Variants in KIF6 observed in about 807,000 individuals in gnomAD.
The protein encoded by KIF6 is kinesin-like protein KIF6.
A neutral mutation model predicts 112.7 loss-of-function variants in KIF6; 106 were observed. That is an observed-to-expected ratio of 0.94 (90% CI 0.80 to 1.11). The LOEUF (loss-of-function observed/expected upper bound fraction) is 1.11. Among genes scored for constraint, KIF6 ranks in the 50% least tolerant of loss-of-function variants. The pLI is 0.00. For synonymous variants in KIF6, 339 were observed against 339.9 expected (o/e 1.00, Z 0.03); for missense variants, 929 against 964.0 (o/e 0.96, Z 0.48).
In KIF6 at chr6:39,545,693, A is replaced by G; in HGVS notation, c.1182-5T>C. 6.3e-7 allele frequency: 1 copy of G among 1,579,762 alleles called. No homozygotes were observed. Among genetic ancestry groups the G allele is most frequent in the Non-Finnish European group, 8.7e-7 (1 of 1,149,046 alleles). ...GATGTTATTAGTTTTTCCAGCCTAAAAATACATAATGTATGAGAAGCAACT... is the reference window on the plus strand; with the variant it reads ...GATGTTATTAGTTTTTCCAGCCTAAGAATACATAATGTATGAGAAGCAACT... On this transcript the variant is annotated splice_region_variant and splice_polypyrimidine_tract_variant and intron_variant, in intron 10 of 22. Transcript: ENST00000287152.
intron 13 of KIF6, among the ~76,000 whole-genome samples, chr6:39,515,784 G>C (rs1158041964): frequency 1.3e-5 from 2 of 152,094 alleles, no homozygotes; most frequent in Non-Finnish European, 2.9e-5. Context: ...AGGAAGGCTA[G>C]GTCAAATTCC....
intron 13 of KIF6, among the ~76,000 whole-genome samples, chr6:39,435,545 G>C (rs1581851804): frequency 7.8e-6 from 1 of 128,804 alleles, no homozygotes; most frequent in Non-Finnish European, 1.6e-5. Context: ...TCCCCCATTT[G>C]AGCTCCAATA....
intron 3 of KIF6, among the ~76,000 whole-genome samples, chr6:39,676,464 G>A (rs546615635): frequency 2.6e-5 from 4 of 152,110 alleles, no homozygotes; most frequent in Non-Finnish European, 5.9e-5. Context: ...ACTTCAGGAA[G>A]AAGGAAACTG....
chr6:39,392,008 C>T (rs1256484335), intron 15 of KIF6, among the ~76,000 whole-genome samples: 2 of 152,088 alleles, frequency 1.3e-5, no homozygotes, highest in East Asian at 1.9e-4. Flanking sequence ...CTTCATGTCT[C>T]ATGTCCTATT....
intron 18 of KIF6, among the ~76,000 whole-genome samples, chr6:39,359,229 T>G (rs1282422833): frequency 1.3e-5 from 2 of 152,218 alleles, no homozygotes; most frequent in African/African-American, 4.8e-5. Flanking sequence ...AAAAGGGATC[T>G]GATTGTGCGT....
chr6:39,568,948 T>TTCTC (rs149756382), intron 10 of KIF6, among the ~76,000 whole-genome samples: 30 of 149,474 alleles, frequency 2.0e-4, no homozygotes, highest in African/African-American at 1.7e-4. Flanking sequence ...CTGTAGGCCT[T>TTCTC]TCTCTCTCTC....
At chr6:39,357,420 G>T in intron 18 of KIF6, 46 bp from the exon 19 acceptor site, 3 of 1,046,860 alleles carry the variant, frequency 2.9e-6, no homozygotes, top group Non-Finnish European at 4.4e-6. Flanking sequence ...TGAATCTAAT[G>T]ACATAGGAAG....
intron 3 of KIF6, among the ~76,000 whole-genome samples, chr6:39,700,123 C>T (rs1316078415): frequency 6.6e-6 from 1 of 152,242 alleles, no homozygotes; most frequent in African/African-American, 2.4e-5. Context: ...TACATCCCCT[C>T]AAGCATTTAT....
At chr6:39,467,068 T>C (rs1773836183) in intron 13 of KIF6, among the ~76,000 whole-genome samples, 1 of 152,162 alleles carries the variant, frequency 6.6e-6, no homozygotes, top group South Asian at 2.1e-4. Flanking sequence ...ACAGAGAGCT[T>C]TATAGCTTTC....
At chr6:39,590,296 T>A (rs1024522475) in intron 7 of KIF6, among the ~76,000 whole-genome samples, 3 of 151,976 alleles carry the variant, frequency 2.0e-5, no homozygotes, top group East Asian at 1.9e-4. Context: ...CAAATTCACT[T>A]TTTTTCCTGC....
At chr6:39,526,981 C>A (rs908052005) in intron 13 of KIF6, among the ~76,000 whole-genome samples, 4 of 152,216 alleles carry the variant, frequency 2.6e-5, no homozygotes, top group Non-Finnish European at 5.9e-5. Flanking sequence ...TATTCTATTT[C>A]TCTGGTTGCT....
At chr6:39,633,980 T>C (rs556252432) in intron 5 of KIF6, among the ~76,000 whole-genome samples, 32 of 152,162 alleles carry the variant, frequency 2.1e-4, no homozygotes, top group Non-Finnish European at 2.8e-4. Flanking sequence ...TCCAAGTCAA[T>C]AGCCTATTTC....
At chr6:39,628,206 T>C (rs1784183508) in intron 5 of KIF6, among the ~76,000 whole-genome samples, 1 of 152,026 alleles carries the variant, frequency 6.6e-6, no homozygotes, top group South Asian at 2.1e-4. Flanking sequence ...AATCCACCAA[T>C]CTTATTCAGA....
At position 39,641,866 on chromosome 6, in the gene KIF6, A is replaced by G. The variant is rs1250138489; in HGVS notation, c.252-2109T>C. ...TCTGTCTTTAATATGTGCTCCCCCT[A>G]CCCCCATCTACTGTGGGATGGAAAA... is the stretch of plus-strand genomic sequence containing the variant. On this transcript the variant is annotated intron_variant, in intron 3 of 22. Transcript: ENST00000287152. Among the ~76,000 whole-genome samples, 3 of 151,906 alleles carry G rather than the reference A, an allele frequency of 2.0e-5. No individual in the cohort carries two copies. In the East Asian group the frequency reaches 5.8e-4, roughly 29 times the overall value.
chr6:39,373,885 G>A (rs1307581031), intron 16 of KIF6, among the ~76,000 whole-genome samples: 3 of 151,974 alleles, frequency 2.0e-5, no homozygotes, highest in African/African-American at 4.8e-5. Flanking sequence ...AAATCCTAAC[G>A]TTCATCTGGA....
At chr6:39,383,217 T>A (rs1335762812) in intron 16 of KIF6, among the ~76,000 whole-genome samples, 1 of 152,168 alleles carries the variant, frequency 6.6e-6, no homozygotes, top group Non-Finnish European at 1.5e-5. Flanking sequence ...GCTTTTGGGG[T>A]CTTCATCATA....
Position 39,420,013 on chromosome 6 carries a change from A to G in KIF6, c.1755-10T>C, listed in dbSNP as rs1581812167. Reference sequence around the variant, plus strand: ...CTTGGCTTCAGAAAATCTGGAGGGGAAAAAAATGAAAATTGTAGTTTTTCT... The same window carrying G: ...CTTGGCTTCAGAAAATCTGGAGGGGGAAAAAATGAAAATTGTAGTTTTTCT... On this transcript the variant is annotated splice_polypyrimidine_tract_variant and intron_variant, in intron 14 of 22. Transcript: ENST00000287152. 1 of 1,594,838 alleles carries G rather than the reference A, an allele frequency of 6.3e-7. No individual in the cohort carries two copies.
chr6:39,590,332 T>G (rs1432073276), intron 7 of KIF6, among the ~76,000 whole-genome samples: 1 of 151,834 alleles, frequency 6.6e-6, no homozygotes, highest in Non-Finnish European at 1.5e-5. Flanking sequence ...TGATGTCTTT[T>G]CATTCAATGG....
chr6:39,628,743 A>T (rs1194663657), intron 5 of KIF6, among the ~76,000 whole-genome samples: 1 of 152,002 alleles, frequency 6.6e-6, no homozygotes, highest in Non-Finnish European at 1.5e-5. Flanking sequence ...GTGGGTTTTG[A>T]CAAATGTATG....
Sources: allele counts gnomAD v4.1 joint callset (sites outside exome capture counted in the v4.1 genomes callset), GRCh38; gene constraint gnomAD v4.1.1; transcripts MANE v1.5; gene names NCBI Gene and HGNC (gene_info 2026-07-23, HGNC 2026-07-21).